STK33: variants seen among roughly 807,000 people sequenced by gnomAD.
STK33 encodes the protein serine/threonine kinase 33.
Under a neutral mutation model 58.0 loss-of-function variants are expected in STK33, and 52 were observed. That is an observed-to-expected ratio of 0.90 (90% CI 0.72 to 1.13). STK33 has a LOEUF of 1.13. Ranked by LOEUF, STK33 falls within the 50% of genes most tolerant of loss-of-function variation. The probability of loss-of-function intolerance (pLI) is 0.00; values close to 1 mark genes in which losing one functional copy is unlikely to be tolerated. For synonymous variants in STK33, 215 were observed against 200.1 expected (o/e 1.07, Z -0.63); for missense variants, 630 against 604.2 (o/e 1.04, Z -0.45).
chr11:8,455,278 T>C (rs1165292995), intron 9 of STK33, among the ~76,000 whole-genome samples: 2 of 152,230 alleles, frequency 1.3e-5, no homozygotes, highest in Admixed American at 6.5e-5. Flanking sequence ...GCTACATATA[T>C]ACAAACTATA....
At chr11:8,523,633 G>A (rs997273499) in intron 1 of STK33, among the ~76,000 whole-genome samples, 3 of 150,674 alleles carry the variant, frequency 2.0e-5, no homozygotes, top group East Asian at 4.0e-4. Context: ...GAGCATCTCC[G>A]CCCGGCAGCT....
downstream of STK33, among the ~76,000 whole-genome samples, chr11:8,389,223 G>C (rs1346808997): frequency 6.6e-6 from 1 of 152,246 alleles, no homozygotes; most frequent in Admixed American, 6.5e-5. Context: ...AGCTGTAAGA[G>C]GGCTGCCTGG....
intron 1 of STK33, among the ~76,000 whole-genome samples, chr11:8,545,861 G>A (rs1955868497): frequency 1.3e-5 from 2 of 152,192 alleles, no homozygotes; most frequent in Non-Finnish European, 2.9e-5. Flanking sequence ...TTTGAGAACT[G>A]TGTCATTGGG....
chr11:8,505,723 C>T (rs1951817926), intron 1 of STK33, among the ~76,000 whole-genome samples: 2 of 152,214 alleles, frequency 1.3e-5, no homozygotes, highest in Non-Finnish European at 2.9e-5. Flanking sequence ...TACTTTACTC[C>T]TGTTGCCCTA....
intron 1 of STK33, among the ~76,000 whole-genome samples, chr11:8,581,744 G>A (rs10769917): frequency 5.9e-5 from 9 of 152,152 alleles, no homozygotes; most frequent in African/African-American, 2.2e-4. Flanking sequence ...CATCCACAAT[G>A]AGCAAAAGCT....
chr11:8,535,191 T>C (rs1482856785), intron 1 of STK33, among the ~76,000 whole-genome samples: 1 of 152,188 alleles, frequency 6.6e-6, no homozygotes, highest in African/African-American at 2.4e-5. Context: ...ATGAGAAGCA[T>C]TAATGGTCCA....
chr11:8,338,189 G>A, the STK33 span, among the ~76,000 whole-genome samples: 1 of 152,130 alleles, frequency 6.6e-6, no homozygotes, highest in African/African-American at 2.4e-5. Context: ...CCATACACAG[G>A]GCCTGGCCAA....
chr11:8,532,877 A>G (rs1183887455), intron 1 of STK33, among the ~76,000 whole-genome samples: 1 of 152,272 alleles, frequency 6.6e-6, no homozygotes, highest in Non-Finnish European at 1.5e-5. Context: ...TAACTGCACC[A>G]TAAACAATAT....
chr11:8,516,579 T>C (rs916598233), intron 1 of STK33, among the ~76,000 whole-genome samples: 5 of 152,342 alleles, frequency 3.3e-5, no homozygotes, highest in African/African-American at 9.6e-5. Flanking sequence ...TTCCCTTTCC[T>C]GGCAAAGGGA....
the STK33 span, among the ~76,000 whole-genome samples, chr11:8,340,174 TG>T: frequency 0.32 from 49,424 of 152,166 alleles, 9,986 homozygotes; most frequent in Non-Finnish European, 0.44. Context: ...TTATAAACTC[TG>T]GGGTCTTTTT....
In STK33 at chr11:8,530,381, G is replaced by C. The variant is rs372609788; in HGVS notation, c.-465-49767C>G. ...AATTTACTGGTAAGGGAAGAAGAGAGGGTCCTGGTGGGGGAAATAGTTGAA... is the reference window on the plus strand; with the variant it reads ...AATTTACTGGTAAGGGAAGAAGAGACGGTCCTGGTGGGGGAAATAGTTGAA... On this transcript the variant is annotated intron_variant, in intron 1 of 15. Coordinates refer to ENST00000687296, the MANE Select transcript of STK33 (RefSeq NM_001352389.2). Among the ~76,000 whole-genome samples the C allele has an allele frequency of 2.0e-5, 3 of 151,702 alleles. No homozygotes were observed. The East Asian group carries it at 5.8e-4, about 30-fold the overall frequency.
intron 14 of STK33, among the ~76,000 whole-genome samples, chr11:8,424,272 A>G (rs11041913): frequency 0.053 from 8,019 of 151,316 alleles, 439 homozygotes; most frequent in East Asian, 0.27. Flanking sequence ...GTTTGCTGAG[A>G]ATGATGGTTT....
At chr11:8,527,208 T>G (rs1461030069) in intron 1 of STK33, among the ~76,000 whole-genome samples, 1 of 152,066 alleles carries the variant, frequency 6.6e-6, no homozygotes, top group Non-Finnish European at 1.5e-5. Flanking sequence ...AGTCCTGACC[T>G]CAAATGATCC....
chr11:8,542,428 C>T (rs146775323), intron 1 of STK33, among the ~76,000 whole-genome samples: 4 of 152,124 alleles, frequency 2.6e-5, no homozygotes, highest in South Asian at 2.1e-4. Flanking sequence ...TGGTTCTCAA[C>T]GGAAGTGATT....
intron 1 of STK33, among the ~76,000 whole-genome samples, chr11:8,488,168 G>T (rs1038299076): frequency 6.6e-6 from 1 of 152,146 alleles, no homozygotes; most frequent in Admixed American, 6.5e-5. Flanking sequence ...CTCAGGGCTT[G>T]CCAGTACAAA....
chr11:8,407,023 T>C (rs1234753858), intron 15 of STK33, among the ~76,000 whole-genome samples: 2 of 151,938 alleles, frequency 1.3e-5, no homozygotes, highest in African/African-American at 4.8e-5. Context: ...AGAAGTTCCC[T>C]TTTATTCCTA....
At chr11:8,437,140 G>A (rs1944172582) in intron 12 of STK33, among the ~76,000 whole-genome samples, 2 of 152,160 alleles carry the variant, frequency 1.3e-5, no homozygotes, top group African/African-American at 4.8e-5. Context: ...GGCCTGAAAG[G>A]GTGAAAGCTA....
intron 1 of STK33, among the ~76,000 whole-genome samples, chr11:8,562,566 AG>A (rs1957185397): frequency 6.6e-6 from 1 of 152,116 alleles, no homozygotes; most frequent in Admixed American, 6.6e-5. Flanking sequence ...TTATACTCTT[AG>A]ATTCTAGTCC....
intron 1 of STK33, among the ~76,000 whole-genome samples, chr11:8,582,629 G>C (rs1032955754): frequency 6.6e-6 from 1 of 152,118 alleles, no homozygotes; most frequent in South Asian, 2.1e-4. Context: ...TTGATACGTG[G>C]GGATTATGGG....
Sources: allele counts gnomAD v4.1 joint callset (sites outside exome capture counted in the v4.1 genomes callset), GRCh38; gene constraint gnomAD v4.1.1; transcripts MANE v1.5; gene names NCBI Gene and HGNC (gene_info 2026-07-23, HGNC 2026-07-21).